AK5: variants seen among roughly 807,000 people sequenced by gnomAD.
AK5 encodes the protein adenylate kinase 5.
AK5 carries 27 observed loss-of-function variants against 69.5 expected under a neutral mutation model. The ratio of observed to expected loss-of-function variants is 0.39; its 90% CI spans 0.29 to 0.54. The LOEUF (loss-of-function observed/expected upper bound fraction) is 0.54. Ranked by LOEUF, AK5 falls within the 20% of genes least tolerant of loss-of-function variation. AK5 has a pLI of 0.71. For missense variants in AK5, 531 were observed against 700.4 expected, an observed-to-expected ratio of 0.76 and a Z score of 2.73; for synonymous variants, 260 against 244.4, an observed-to-expected ratio of 1.06 and a Z score of -0.60.
chr1:77,417,965 G>T, intron 8 of AK5: 1 of 334,116 alleles, frequency 3.0e-6, no homozygotes, highest in South Asian at 3.2e-5. Context: ...GTTAACATGG[G>T]ATAGAAATGA....
At chr1:77,365,022 A>G (rs1646926814) in intron 6 of AK5, among the ~76,000 whole-genome samples, 1 of 152,096 alleles carries the variant, frequency 6.6e-6, no homozygotes, top group Non-Finnish European at 1.5e-5. Context: ...TTGCACCTTC[A>G]CCAACATTTG....
At chr1:77,437,606 G>A (rs530362397) in intron 8 of AK5, among the ~76,000 whole-genome samples, 1 of 152,098 alleles carries the variant, frequency 6.6e-6, no homozygotes, top group South Asian at 2.1e-4. Flanking sequence ...TTTTAAACTG[G>A]TACAGAGGTT....
At chr1:77,506,336 A>G (rs893765693) in intron 10 of AK5, among the ~76,000 whole-genome samples, 2 of 151,804 alleles carry the variant, frequency 1.3e-5, no homozygotes, top group Non-Finnish European at 2.9e-5. Flanking sequence ...AAGTGATTTA[A>G]TGGTGTTTTC....
intron 6 of AK5, among the ~76,000 whole-genome samples, chr1:77,404,716 G>A (rs888498660): frequency 6.6e-6 from 1 of 152,190 alleles, no homozygotes; most frequent in African/African-American, 2.4e-5. Context: ...ATTGGCTTCA[G>A]CAGCATCTGC....
chr1:77,490,190 C>A (rs1655894844), intron 10 of AK5, among the ~76,000 whole-genome samples: 1 of 151,878 alleles, frequency 6.6e-6, no homozygotes, highest in Non-Finnish European at 1.5e-5. Context: ...GCTGCTGTGG[C>A]TGTTTCTTGC....
chr1:77,551,540 G>T (rs1659822834), intron 13 of AK5, among the ~76,000 whole-genome samples: 1 of 152,108 alleles, frequency 6.6e-6, no homozygotes, highest in South Asian at 2.1e-4. Flanking sequence ...ATGAGGAGGG[G>T]GATTGGGGTT....
intron 7 of AK5, among the ~76,000 whole-genome samples, 173 bp from the exon 8 acceptor site, chr1:77,417,466 C>G (rs1650507104): frequency 6.6e-6 from 1 of 152,152 alleles, no homozygotes; most frequent in South Asian, 2.1e-4. Flanking sequence ...TGTCCAGAGT[C>G]TCTGCATTTT....
chr1:77,367,920 GATATATATTATATATAATATATATGTT>G (rs1557534724), intron 6 of AK5, among the ~76,000 whole-genome samples: 1 of 14,164 alleles, frequency 7.1e-5, no homozygotes, highest in Non-Finnish European at 1.4e-4. Context: ...AAATATATGT[GATATATATTATATATAATATATATGTT>G]ATATATATAT....
In AK5 at chr1:77,368,241, A is replaced by G. The variant is rs1488684690; in HGVS notation, c.891+27673A>G. On this transcript the variant is annotated intron_variant, in intron 6 of 13. Coordinates refer to ENST00000354567, the MANE Select transcript of AK5 (RefSeq NM_174858.3). ...TATATATATATATATATATATATATATATATATATATAATATATATGTTAT... is the reference window on the plus strand; with the variant it reads ...TATATATATATATATATATATATATGTATATATATATAATATATATGTTAT... 8.8e-3 allele frequency among the ~76,000 whole-genome samples: 204 copies of G among 23,220 alleles called. 2 individuals are homozygous for G. Among genetic ancestry groups the G allele is most frequent in the African/African-American group, 0.017 (185 of 10,860 alleles). The allele number at this position is 23,220 out of a possible 152,430, so 15.2% of individuals were successfully genotyped here. A position where few individuals can be genotyped will look rare whatever the true frequency, so the allele number is the denominator to read the frequency against.
chr1:77,386,875 A>G (rs767222080), intron 6 of AK5, among the ~76,000 whole-genome samples: 5 of 151,250 alleles, frequency 3.3e-5, no homozygotes, highest in Non-Finnish European at 7.4e-5. Flanking sequence ...TCTATTATCT[A>G]TTTTTTTCAC....
chr1:77,407,939 A>T (rs1314656460), intron 6 of AK5, among the ~76,000 whole-genome samples: 1 of 152,114 alleles, frequency 6.6e-6, no homozygotes, highest in East Asian at 1.9e-4. Context: ...AGATGCTTCC[A>T]TGTTGCTGCA....
intron 8 of AK5, among the ~76,000 whole-genome samples, chr1:77,472,048 C>T (rs1654540029): frequency 6.6e-6 from 1 of 152,198 alleles, no homozygotes; most frequent in Non-Finnish European, 1.5e-5. Flanking sequence ...TGTATATACT[C>T]ATACCAGTAT....
chr1:77,377,704 G>A (rs537948147), intron 6 of AK5, among the ~76,000 whole-genome samples: 187 of 152,312 alleles, frequency 1.2e-3, no homozygotes, highest in Non-Finnish European at 2.1e-3. Flanking sequence ...ACTCTATCAT[G>A]TTATCTTCTG....
rs1557533332 is a variant in AK5, at chr1:77,367,671, A to ATG, written c.891+27104_891+27105insGT. Among the ~76,000 whole-genome samples, 128 of 69,702 alleles carry ATG rather than the reference A, an allele frequency of 1.8e-3. 5 individuals carry two copies. Among genetic ancestry groups the ATG allele is most frequent in the Middle Eastern group, 9.6e-3 (1 of 104 alleles). 45.7% of individuals were successfully genotyped at this position (69,702 alleles called of 152,430 possible). A position where few individuals can be genotyped will look rare whatever the true frequency, so the allele number is the denominator to read the frequency against. ...TATATATGTTATATATATGTTATAT[A>ATG]TAATATATATGTTATATATACGTTA... On this transcript the variant is annotated intron_variant, in intron 6 of 13. Transcript: ENST00000354567.
At chr1:77,505,640 G>A (rs941331267) in intron 10 of AK5, among the ~76,000 whole-genome samples, 1 of 152,100 alleles carries the variant, frequency 6.6e-6, no homozygotes, top group Non-Finnish European at 1.5e-5. Flanking sequence ...ACCGAGGCAA[G>A]TGGATAACTT....
intron 8 of AK5, among the ~76,000 whole-genome samples, chr1:77,448,647 A>G (rs1417287015): frequency 6.6e-6 from 1 of 152,238 alleles, no homozygotes; most frequent in Non-Finnish European, 1.5e-5. Context: ...CTTGGAACCC[A>G]TGGCAGGACT....
intron 13 of AK5, among the ~76,000 whole-genome samples, chr1:77,541,745 T>A (rs989819016): frequency 3.3e-5 from 5 of 151,932 alleles, no homozygotes; most frequent in Admixed American, 1.3e-4. Flanking sequence ...CTAAGCTGGG[T>A]TTTTTTTCTT....
intron 11 of AK5, among the ~76,000 whole-genome samples, chr1:77,520,408 A>C (rs1657917088): frequency 1.3e-5 from 2 of 152,166 alleles, no homozygotes; most frequent in Non-Finnish European, 2.9e-5. Context: ...CGCCACACTT[A>C]GGATGAAATC....
intron 8 of AK5, among the ~76,000 whole-genome samples, chr1:77,473,022 A>G (rs1168728976): frequency 6.6e-6 from 1 of 152,118 alleles, no homozygotes; most frequent in African/African-American, 2.4e-5. Context: ...AGGATCCTTA[A>G]CTTATCCACA....
Sources: allele counts gnomAD v4.1 joint callset (sites outside exome capture counted in the v4.1 genomes callset), GRCh38; gene constraint gnomAD v4.1.1; transcripts MANE v1.5; gene names NCBI Gene and HGNC (gene_info 2026-07-23, HGNC 2026-07-21).